The following CNTNAP4 variants were observed in gnomAD, a reference collection of about 807,000 sequenced individuals.
CNTNAP4 encodes contactin associated protein family member 4.
CNTNAP4 carries 98 observed loss-of-function variants against 148.4 expected under a neutral mutation model. That is an observed-to-expected ratio of 0.66 (90% CI 0.56 to 0.78). The LOEUF (loss-of-function observed/expected upper bound fraction) is 0.78, where lower values mean the gene tolerates loss of function less well. Ranked by LOEUF, CNTNAP4 falls within the 30% of genes least tolerant of loss-of-function variation. The probability of loss-of-function intolerance (pLI) is 0.00; values close to 1 mark genes in which losing one functional copy is unlikely to be tolerated. For missense variants in CNTNAP4, 1,935 were observed against 1,565.6 expected, an observed-to-expected ratio of 1.24 and a Z score of -3.98; for synonymous variants, 730 against 565.1, an observed-to-expected ratio of 1.29 and a Z score of -4.14.
chr16:76,327,480 G>A lies in CNTNAP4; in HGVS notation c.196+10957G>A, dbSNP rs13333041. Among the ~76,000 whole-genome samples the A allele has an allele frequency of 9.6e-3, 1,468 of 152,224 alleles. 23 individuals carry two copies. Among genetic ancestry groups the A allele is most frequent in the African/African-American group, 0.033 (1,383 of 41,516 alleles). On this transcript the variant is annotated intron_variant, in intron 2 of 23. Coordinates refer to ENST00000611870, the MANE Select transcript of CNTNAP4 (RefSeq NM_033401.5). Reference sequence around the variant, plus strand: ...TGATGGGTACCTGGGTTGATACCATGTCTTTGCTGTTGTGACCAGCTCTGT... The same window carrying A: ...TGATGGGTACCTGGGTTGATACCATATCTTTGCTGTTGTGACCAGCTCTGT...
At chr16:76,340,779 C>G (rs16944243) in intron 2 of CNTNAP4, among the ~76,000 whole-genome samples, 1 of 152,154 alleles carries the variant, frequency 6.6e-6, no homozygotes, top group African/African-American at 2.4e-5. Flanking sequence ...GAACTCCTAA[C>G]TCTGATTAAT....
At chr16:76,452,803 G>A in intron 8 of CNTNAP4, 34 bp downstream of exon 8, 1 of 1,476,328 alleles carries the variant, frequency 6.8e-7, no homozygotes, top group Non-Finnish European at 9.0e-7. Context: ...AAAGCATATG[G>A]ATTTGAAAGA....
intron 15 of CNTNAP4, among the ~76,000 whole-genome samples, chr16:76,514,142 C>T (rs532915698): frequency 5.9e-5 from 9 of 152,134 alleles, no homozygotes; most frequent in Admixed American, 4.6e-4. Context: ...AAGGATGTTA[C>T]GCTTGGGAGG....
In CNTNAP4 at chr16:76,508,979, C is replaced by T. The variant is rs59846224; in HGVS notation, c.2365+10285C>T. ...TGTTAGCCAGGATGGTCTCGATCTC[C>T]TGACCTTGTGATCCACCCGCCTTGG... On this transcript the variant is annotated intron_variant, in intron 15 of 23. Coordinates refer to ENST00000611870, the MANE Select transcript of CNTNAP4 (RefSeq NM_033401.5). Among the ~76,000 whole-genome samples, 771 of 95,962 alleles carry T rather than the reference C, an allele frequency of 8.0e-3. 111 individuals carry two copies. The highest frequency in any genetic ancestry group is 0.019 in the African/African-American group (732 of 38,448). 63.0% of individuals were successfully genotyped at this position (95,962 alleles called of 152,430 possible). A position where few individuals can be genotyped will look rare whatever the true frequency, so the allele number is the denominator to read the frequency against.
chr16:76,480,844 A>C (rs1000817973), intron 12 of CNTNAP4, among the ~76,000 whole-genome samples: 7 of 152,226 alleles, frequency 4.6e-5, no homozygotes, highest in African/African-American at 1.7e-4. Flanking sequence ...AAACTCAAGC[A>C]GGGTGTTTGT....
intron 2 of CNTNAP4, among the ~76,000 whole-genome samples, chr16:76,334,753 G>A (rs1427428350): frequency 1.3e-5 from 2 of 152,002 alleles, no homozygotes; most frequent in African/African-American, 4.8e-5. Flanking sequence ...TTTTTTAGTG[G>A]CTTTGGACGT....
Position 76,389,965 on chromosome 16 carries a change from G to A in CNTNAP4, c.390+34454G>A, listed in dbSNP as rs898946151. On this transcript the variant is annotated intron_variant, in intron 3 of 23. Transcript: ENST00000611870. ...CAAGAAATAACAGTAGGAGGGGAGG[G>A]AAGTGAGACAGAGAAGGGAAAGTAG... Among the ~76,000 whole-genome samples the A allele has an allele frequency of 5.9e-5, 9 of 152,200 alleles. No homozygotes were observed. In the South Asian group the frequency reaches 1.7e-3, roughly 28 times the overall value.
chr16:76,298,585 A>G (rs1428430929), intron 1 of CNTNAP4, among the ~76,000 whole-genome samples: 1 of 149,656 alleles, frequency 6.7e-6, no homozygotes, highest in Non-Finnish European at 1.5e-5. Flanking sequence ...GGTCCACCCA[A>G]GCGGAAGAAT....
At chr16:76,388,582 A>G (rs542269875) in intron 3 of CNTNAP4, among the ~76,000 whole-genome samples, 2 of 152,362 alleles carry the variant, frequency 1.3e-5, no homozygotes, top group South Asian at 2.1e-4. Context: ...TCTAAAAGTC[A>G]TCTCCTGTAA....
chr16:76,511,745 C>T (rs2083033757), intron 15 of CNTNAP4, among the ~76,000 whole-genome samples: 1 of 151,684 alleles, frequency 6.6e-6, no homozygotes, highest in Non-Finnish European at 1.5e-5. Flanking sequence ...TGTTTTTCCA[C>T]TTTTCTTCCC....
intron 3 of CNTNAP4, among the ~76,000 whole-genome samples, chr16:76,410,422 A>T (rs1310061131): frequency 6.6e-6 from 1 of 151,788 alleles, no homozygotes; most frequent in African/African-American, 2.4e-5. Context: ...ATCTATATCA[A>T]GATACCCATG....
At chr16:76,309,163 G>A (rs1187473315) in intron 1 of CNTNAP4, among the ~76,000 whole-genome samples, 1 of 151,998 alleles carries the variant, frequency 6.6e-6, no homozygotes, top group Admixed American at 6.6e-5. Context: ...TGTCTTCTGG[G>A]TGCTTAAAAT....
intron 6 of CNTNAP4, 124 bp from the exon 7 acceptor site, chr16:76,449,591 G>T (rs374023701): frequency 4.4e-6 from 3 of 681,414 alleles, no homozygotes; most frequent in Non-Finnish European, 6.7e-6. Context: ...CTTAATTTTT[G>T]TGTGTGTAGG....
chr16:76,365,769 A>AAAAAT (rs1379569636), intron 3 of CNTNAP4, among the ~76,000 whole-genome samples: 1 of 151,480 alleles, frequency 6.6e-6, no homozygotes, highest in African/African-American at 2.4e-5. Context: ...AAAAAAAAAA[A>AAAAAT]ACCTAAGAGA....
chr16:76,299,627 T>C (rs9926712), intron 1 of CNTNAP4, among the ~76,000 whole-genome samples: 3,911 of 152,106 alleles, frequency 0.026, 166 homozygotes, highest in African/African-American at 0.088. Context: ...CCATTTGACC[T>C]AGCCATCCCA....
intron 17 of CNTNAP4, among the ~76,000 whole-genome samples, chr16:76,533,186 G>A (rs1182557734): frequency 6.6e-6 from 1 of 152,110 alleles, no homozygotes; most frequent in Admixed American, 6.5e-5. Context: ...GTCACTCACA[G>A]CAACATGGAT....
chr16:76,499,096 C>G (rs1222943021), intron 15 of CNTNAP4, among the ~76,000 whole-genome samples: 1 of 142,696 alleles, frequency 7.0e-6, no homozygotes, highest in Non-Finnish European at 1.5e-5. Context: ...GAGACAGAGT[C>G]TCGCTCTGTT....
At chr16:76,519,068 G>A (rs928318693) in intron 15 of CNTNAP4, among the ~76,000 whole-genome samples, 2 of 152,120 alleles carry the variant, frequency 1.3e-5, no homozygotes, top group African/African-American at 4.8e-5. Context: ...GGGGTAAAGG[G>A]CTGGGATACC....
intron 8 of CNTNAP4, among the ~76,000 whole-genome samples, chr16:76,455,416 A>G (rs2080688118): frequency 1.3e-5 from 2 of 152,076 alleles, no homozygotes; most frequent in African/African-American, 4.8e-5. Flanking sequence ...AAGCATTCTC[A>G]ATTCTTGTGC....
Sources: gnomAD v4.1 joint callset for allele counts (sites outside exome capture counted in the v4.1 genomes callset) on GRCh38, gnomAD v4.1.1 for gene constraint, MANE v1.5 for transcripts, NCBI Gene and HGNC (gene_info 2026-07-23, HGNC 2026-07-21) for gene names.